Variants in MCC observed in about 807,000 individuals in gnomAD.
The protein encoded by MCC is MCC regulator of Wnt signaling pathway.
A neutral mutation model predicts 116.2 loss-of-function variants in MCC; 90 were observed. The ratio of observed to expected loss-of-function variants is 0.77; its 90% CI spans 0.65 to 0.92. MCC has a LOEUF of 0.92. Among genes scored for constraint, MCC ranks in the 40% least tolerant of loss-of-function variants. The pLI, the probability that MCC is intolerant of heterozygous loss-of-function variation, is 0.00. For synonymous variants in MCC, 578 were observed against 510.5 expected, an observed-to-expected ratio of 1.13 and a Z score of -1.78; for missense variants, 1,516 against 1,312.2, an observed-to-expected ratio of 1.16 and a Z score of -2.40.
chr5:113,101,474 T>G (rs935655769), intron 8 of MCC: 1 of 480,514 alleles, frequency 2.1e-6, no homozygotes, highest in South Asian at 2.8e-5. Context: ...CTGGAAAGTT[T>G]AGAATCACTG....
At chr5:113,196,816 G>A (rs1350929895) in intron 3 of MCC, among the ~76,000 whole-genome samples, 1 of 152,156 alleles carries the variant, frequency 6.6e-6, no homozygotes, top group Non-Finnish European at 1.5e-5. Flanking sequence ...TCCAGCTTGG[G>A]TGACAGAACA....
chr5:113,173,080 C>T (rs1213610804), intron 3 of MCC, among the ~76,000 whole-genome samples: 1 of 152,270 alleles, frequency 6.6e-6, no homozygotes, highest in East Asian at 1.9e-4. Context: ...TGCAAATACT[C>T]TTTCCCAGTG....
chr5:113,220,865 C>G (rs73244754), intron 3 of MCC, among the ~76,000 whole-genome samples: 7,345 of 152,224 alleles, frequency 0.048, 471 homozygotes, highest in African/African-American at 0.15. Flanking sequence ...CAATGTTGAA[C>G]AGACGTGGTG....
At chr5:113,031,389 AG>A (rs1223880906) in intron 17 of MCC, among the ~76,000 whole-genome samples, 1 of 152,066 alleles carries the variant, frequency 6.6e-6, no homozygotes, top group East Asian at 1.9e-4. Context: ...GTGTTGCAGG[AG>A]GGGGGCTCCT....
At chr5:113,270,596 T>C (rs1193413847) in intron 3 of MCC, among the ~76,000 whole-genome samples, 1 of 150,414 alleles carries the variant, frequency 6.6e-6, no homozygotes, top group Admixed American at 6.7e-5. Context: ...CCTAACTCCC[T>C]GTATCCCACA....
intron 14 of MCC, among the ~76,000 whole-genome samples, chr5:113,055,853 G>T (rs368012822): frequency 6.6e-6 from 1 of 152,152 alleles, no homozygotes; most frequent in Non-Finnish European, 1.5e-5. Flanking sequence ...AGTGAACCTC[G>T]TCTAATCAGA....
intron 3 of MCC, among the ~76,000 whole-genome samples, chr5:113,295,300 T>C (rs116785475): frequency 0.022 from 3,419 of 152,106 alleles, 75 homozygotes; most frequent in East Asian, 0.074. Flanking sequence ...TCACGGAACA[T>C]TAAGATTTTA....
At chr5:113,379,683 C>T (rs984645756) in intron 2 of MCC, among the ~76,000 whole-genome samples, 2 of 152,134 alleles carry the variant, frequency 1.3e-5, no homozygotes, top group Non-Finnish European at 2.9e-5. Context: ...GTCTAAAACA[C>T]ATAAAAATTT....
intron 2 of MCC, among the ~76,000 whole-genome samples, chr5:113,361,828 C>T (rs1850411): frequency 7.2e-5 from 11 of 152,188 alleles, no homozygotes; most frequent in African/African-American, 2.7e-4. Context: ...CCTTGCACAT[C>T]AAAATTCTGG....
chr5:113,101,955 A>G lies in MCC; in HGVS notation c.1192-10T>C. 1.2e-6 allele frequency: 2 copies of G among 1,613,964 alleles called. No homozygotes were observed. The highest frequency in any genetic ancestry group is 1.1e-5 in the South Asian group (1 of 91,074). On this transcript the variant is annotated splice_polypyrimidine_tract_variant and intron_variant, in intron 7 of 18. Coordinates refer to ENST00000408903, the MANE Select transcript of MCC (RefSeq NM_001085377.2). ...CAATCTCCTCGACTGTCTGTAAAACACAGCCCCAAAGAAAAGTCAAGTAAG... is the reference window on the plus strand; with the variant it reads ...CAATCTCCTCGACTGTCTGTAAAACGCAGCCCCAAAGAAAAGTCAAGTAAG...
chr5:113,064,216 G>T, intron 13 of MCC, 49 bp from the exon 14 acceptor site: 4 of 1,525,846 alleles, frequency 2.6e-6, no homozygotes, highest in Non-Finnish European at 3.6e-6. Flanking sequence ...CCTGGACAAG[G>T]CACGCCTGGG....
chr5:113,415,695 C>T (rs1770125467), intron 1 of MCC, among the ~76,000 whole-genome samples: 1 of 152,142 alleles, frequency 6.6e-6, no homozygotes, highest in African/African-American at 2.4e-5. Flanking sequence ...CTTTTAGCTT[C>T]CTTGTGATGG....
intron 1 of MCC, among the ~76,000 whole-genome samples, chr5:113,471,479 A>C (rs942060229): frequency 6.6e-6 from 1 of 151,966 alleles, no homozygotes; most frequent in Non-Finnish European, 1.5e-5. Flanking sequence ...GTGGCTGCAG[A>C]GCAGCGGATA....
intron 8 of MCC, among the ~76,000 whole-genome samples, chr5:113,088,611 G>A (rs143155294): frequency 1.1e-3 from 172 of 151,980 alleles, no homozygotes; most frequent in African/African-American, 4.0e-3. Context: ...AGAGACACAG[G>A]GAAGAAGGTC....
chr5:113,095,732 T>C (rs375290793), intron 8 of MCC, among the ~76,000 whole-genome samples: 2 of 152,114 alleles, frequency 1.3e-5, no homozygotes, highest in African/African-American at 2.4e-5. Context: ...GGTCTTGCTA[T>C]GTTACCCAGG....
intron 13 of MCC, among the ~76,000 whole-genome samples, chr5:113,066,677 T>C (rs1000783603): frequency 7.9e-5 from 12 of 152,284 alleles, no homozygotes; most frequent in African/African-American, 2.4e-4. Context: ...AGTGCAAAAG[T>C]GAGCCCCCAG....
intron 17 of MCC, among the ~76,000 whole-genome samples, chr5:113,034,814 C>A (rs1212127136): frequency 6.6e-6 from 1 of 152,218 alleles, no homozygotes; most frequent in African/African-American, 2.4e-5. Flanking sequence ...TCTTACCTGC[C>A]CGCATCACCT....
intron 2 of MCC, among the ~76,000 whole-genome samples, chr5:113,356,170 G>C (rs922647688): frequency 9.3e-5 from 14 of 151,326 alleles, no homozygotes; most frequent in African/African-American, 3.2e-4. Context: ...TCGAGTCCAG[G>C]AGTGATCCTC....
chr5:113,155,360 T>G (rs1760114023), intron 3 of MCC, among the ~76,000 whole-genome samples: 1 of 152,200 alleles, frequency 6.6e-6, no homozygotes, highest in South Asian at 2.1e-4. Flanking sequence ...ATACAGGTGT[T>G]CCTGTAATAA....
Sources: gnomAD v4.1 joint callset for allele counts (sites outside exome capture counted in the v4.1 genomes callset) on GRCh38, gnomAD v4.1.1 for gene constraint, MANE v1.5 for transcripts, NCBI Gene and HGNC (gene_info 2026-07-23, HGNC 2026-07-21) for gene names.